MYO5B: variants seen among roughly 807,000 people sequenced by gnomAD.
MYO5B encodes myosin VB.
A neutral mutation model predicts 229.3 loss-of-function variants in MYO5B; 143 were observed. That is an observed-to-expected ratio of 0.62 (90% CI 0.54 to 0.72). MYO5B has a LOEUF of 0.72. Among genes scored for constraint, MYO5B ranks in the 30% least tolerant of loss-of-function variants. The pLI, the probability that MYO5B is intolerant of heterozygous loss-of-function variation, is 0.00. For missense variants in MYO5B, 2,321 were observed against 2,331.0 expected, an observed-to-expected ratio of 1.00 and a Z score of 0.09; for synonymous variants, 918 against 885.2, an observed-to-expected ratio of 1.04 and a Z score of -0.66.
intron 22 of MYO5B, among the ~76,000 whole-genome samples, chr18:49,883,207 T>C (rs568399766): frequency 5.3e-5 from 8 of 152,276 alleles, no homozygotes; most frequent in African/African-American, 1.4e-4. Context: ...GATAAAAGCA[T>C]CCAGAATGAA....
At chr18:49,967,855 C>T (rs2025644031) in intron 10 of MYO5B, among the ~76,000 whole-genome samples, 1 of 152,110 alleles carries the variant, frequency 6.6e-6, no homozygotes, top group South Asian at 2.1e-4. Flanking sequence ...TGCCCCCACC[C>T]AGGACTAGTT....
chr18:50,076,566 A>G (rs1194118751), intron 1 of MYO5B, among the ~76,000 whole-genome samples: 1 of 152,190 alleles, frequency 6.6e-6, no homozygotes, highest in African/African-American at 2.4e-5. Context: ...CCCTGTCATG[A>G]CATAGCCTTG....
At chr18:50,166,459 A>G (rs1175674444) in intron 1 of MYO5B, among the ~76,000 whole-genome samples, 1 of 152,190 alleles carries the variant, frequency 6.6e-6, no homozygotes, top group African/African-American at 2.4e-5. Context: ...AACATCCATC[A>G]TCCCAATAAC....
At chr18:49,888,087 T>C (rs2024665332) in intron 22 of MYO5B, among the ~76,000 whole-genome samples, 1 of 152,050 alleles carries the variant, frequency 6.6e-6, no homozygotes. Flanking sequence ...TACATAGTAA[T>C]GATATCAATA....
intron 1 of MYO5B, among the ~76,000 whole-genome samples, chr18:50,141,164 A>G (rs1002292327): frequency 6.6e-6 from 1 of 152,170 alleles, no homozygotes; most frequent in African/African-American, 2.4e-5. Flanking sequence ...AAAAAGGACA[A>G]CAAGGAAACA....
intron 2 of MYO5B, among the ~76,000 whole-genome samples, chr18:50,043,405 AATATTAAATATTTAAATATATTTAAAT>A (rs1383768120): frequency 2.0e-5 from 1 of 49,624 alleles, no homozygotes; most frequent in African/African-American, 5.8e-5. Flanking sequence ...AAATATATTA[AATATTAAATATTTAAATATATTTAAAT>A]ATATTAAATA....
chr18:50,004,735 C>A (rs1042174429), intron 4 of MYO5B, among the ~76,000 whole-genome samples: 4 of 152,088 alleles, frequency 2.6e-5, no homozygotes, highest in Non-Finnish European at 5.9e-5. Context: ...CACCACTGGG[C>A]AACAGAGCAA....
At chr18:50,151,636 A>C (rs186871849) in intron 1 of MYO5B, among the ~76,000 whole-genome samples, 1 of 152,306 alleles carries the variant, frequency 6.6e-6, no homozygotes, top group African/African-American at 2.4e-5. Flanking sequence ...ATGCAAGAAA[A>C]ATGCTTGGCT....
chr18:49,937,203 T>C (rs2025260225), intron 15 of MYO5B, 42 bp downstream of exon 15: 2 of 1,611,996 alleles, frequency 1.2e-6, no homozygotes, highest in South Asian at 2.2e-5. Context: ...AGGCCAGCCC[T>C]GCACATGCAC....
At chr18:50,136,021 T>C (rs560419186) in intron 1 of MYO5B, among the ~76,000 whole-genome samples, 5 of 152,248 alleles carry the variant, frequency 3.3e-5, no homozygotes, top group African/African-American at 4.8e-5. Flanking sequence ...AGTTTGCCCA[T>C]GGTCACACAG....
At chr18:50,051,155 A>G (rs867330304) in intron 2 of MYO5B, among the ~76,000 whole-genome samples, 2 of 152,244 alleles carry the variant, frequency 1.3e-5, no homozygotes, top group African/African-American at 4.8e-5. Flanking sequence ...TAAATGTTTA[A>G]CAATGTTTTT....
At chr18:49,999,920 G>C (rs1193320778) in intron 5 of MYO5B, among the ~76,000 whole-genome samples, 1 of 152,236 alleles carries the variant, frequency 6.6e-6, no homozygotes, top group East Asian at 1.9e-4. Flanking sequence ...TTTTCTTTTT[G>C]TCTGTTTAGT....
intron 7 of MYO5B, among the ~76,000 whole-genome samples, chr18:49,986,777 A>G (rs8087760): frequency 0.013 from 1,972 of 152,320 alleles, 43 homozygotes; most frequent in African/African-American, 0.045. Flanking sequence ...AGTGTCCACC[A>G]AAGAAGACTG....
chr18:49,982,342 G>A (rs1268961114), intron 8 of MYO5B, among the ~76,000 whole-genome samples: 1 of 152,200 alleles, frequency 6.6e-6, no homozygotes, highest in African/African-American at 2.4e-5. Context: ...ACAGGCATGA[G>A]CCACTGTACC....
chr18:50,169,899 A>G lies in MYO5B; in HGVS notation c.27+24868T>C, dbSNP rs2032902266. On this transcript the variant is annotated intron_variant, in intron 1 of 39. Coordinates refer to ENST00000285039, the MANE Select transcript of MYO5B (RefSeq NM_001080467.3). Reference sequence around the variant, plus strand: ...GATGAGCAAGGTTAGCAGGACAATGAGATAGGAGCCGTGGACCTGCCACAC... The same window carrying G: ...GATGAGCAAGGTTAGCAGGACAATGGGATAGGAGCCGTGGACCTGCCACAC... 1.6e-5 allele frequency among the ~76,000 whole-genome samples: 2 copies of G among 126,716 alleles called. 1 individual carries two copies. The highest frequency in any genetic ancestry group is 1.7e-4 in the Admixed American group (2 of 11,740). The allele number at this position is 126,716 out of a possible 152,430, so 83.1% of individuals were successfully genotyped here. A position where few individuals can be genotyped will look rare whatever the true frequency, so the allele number is the denominator to read the frequency against.
chr18:49,959,134 C>A (rs2025528275), intron 12 of MYO5B, among the ~76,000 whole-genome samples: 1 of 151,378 alleles, frequency 6.6e-6, no homozygotes, highest in Non-Finnish European at 1.5e-5. Context: ...ACCTGGAACA[C>A]CCCCTCCTCA....
chr18:50,069,154 G>A (rs2030892717), intron 1 of MYO5B, among the ~76,000 whole-genome samples: 1 of 151,944 alleles, frequency 6.6e-6, no homozygotes, highest in Non-Finnish European at 1.5e-5. Flanking sequence ...ATGGGTAAAA[G>A]GGCAATGTTC....
chr18:50,133,845 A>AC (rs1449162876), intron 1 of MYO5B, among the ~76,000 whole-genome samples: 1 of 152,178 alleles, frequency 6.6e-6, no homozygotes, highest in Non-Finnish European at 1.5e-5. Context: ...CCATATGGCC[A>AC]CAAAAAAAAG....
chr18:50,094,847 T>A (rs766489711), intron 1 of MYO5B, among the ~76,000 whole-genome samples: 132 of 152,130 alleles, frequency 8.7e-4, no homozygotes, highest in Non-Finnish European at 1.2e-3. Context: ...CATTTTTTTT[T>A]AAAACAGTCT....
Sources: allele counts gnomAD v4.1 joint callset (sites outside exome capture counted in the v4.1 genomes callset), GRCh38; gene constraint gnomAD v4.1.1; transcripts MANE v1.5; gene names NCBI Gene and HGNC (gene_info 2026-07-23, HGNC 2026-07-21).